Variants in UGT1A7 observed in about 807,000 individuals in gnomAD.
UGT1A7 encodes the protein UDP-glucuronosyltransferase 1A7.
A neutral mutation model predicts 45.6 loss-of-function variants in UGT1A7; 33 were observed. The observed-to-expected ratio is 0.72, with a 90% CI of 0.55 to 0.97. The LOEUF (loss-of-function observed/expected upper bound fraction) is 0.97. Ranked by LOEUF, UGT1A7 falls within the 50% of genes least tolerant of loss-of-function variation. The pLI, the probability that UGT1A7 is intolerant of heterozygous loss-of-function variation, is 0.00. For missense variants in UGT1A7, 684 were observed against 666.2 expected (o/e 1.03, Z -0.29); for synonymous variants, 274 against 250.6 (o/e 1.09, Z -0.88).
chr2:233,714,067 G>A (rs973279509), intron 1 of UGT1A7, among the ~76,000 whole-genome samples: 1 of 152,094 alleles, frequency 6.6e-6, no homozygotes, highest in African/African-American at 2.4e-5. Context: ...AGGAAGGAGA[G>A]GCAGGGACGA....
intron 1 of UGT1A7, chr2:233,693,094 G>A: frequency 6.2e-7 from 1 of 1,614,170 alleles, no homozygotes; most frequent in Non-Finnish European, 8.5e-7. Context: ...ACAAGCTGCT[G>A]GTGGTCCCTC....
chr2:233,734,120 A>G (rs2078485100), intron 1 of UGT1A7, among the ~76,000 whole-genome samples: 1 of 152,036 alleles, frequency 6.6e-6, no homozygotes, highest in Non-Finnish European at 1.5e-5. Context: ...AATAATAATA[A>G]TAAAAAGAAT....
intron 1 of UGT1A7, among the ~76,000 whole-genome samples, chr2:233,738,740 C>T (rs1235036519): frequency 1.3e-5 from 2 of 152,136 alleles, no homozygotes; most frequent in Non-Finnish European, 2.9e-5. Context: ...GCAGCCTGAC[C>T]ATGTGGTAGA....
intron 1 of UGT1A7, chr2:233,690,853 CT>C (rs2075018701): frequency 9.4e-7 from 1 of 1,064,618 alleles, no homozygotes; most frequent in Admixed American, 4.9e-5. Flanking sequence ...TTTCTAATAC[CT>C]TCTTAATTTG....
At chr2:233,704,337 A>G (rs2075781875) in intron 1 of UGT1A7, among the ~76,000 whole-genome samples, 1 of 144,470 alleles carries the variant, frequency 6.9e-6, no homozygotes. Flanking sequence ...CCACTATTTA[A>G]AAAGTTGTGT....
chr2:233,732,424 AG>A (rs1319595536), intron 1 of UGT1A7, among the ~76,000 whole-genome samples: 1 of 152,242 alleles, frequency 6.6e-6, no homozygotes, highest in Non-Finnish European at 1.5e-5. Flanking sequence ...GTTTTCTTCT[AG>A]GATTTTTATG....
chr2:233,689,547 A>G (rs2074949605), intron 1 of UGT1A7, among the ~76,000 whole-genome samples: 3 of 152,252 alleles, frequency 2.0e-5, no homozygotes, highest in Admixed American at 1.3e-4. Flanking sequence ...CTTGCAGGTC[A>G]TAGGTGAATT....
chr2:233,712,555 A>G (rs1157620157), intron 1 of UGT1A7, among the ~76,000 whole-genome samples: 1 of 152,212 alleles, frequency 6.6e-6, no homozygotes, highest in Admixed American at 6.5e-5. Context: ...AAGAGTATTA[A>G]GAGTTAGCAA....
At chr2:233,719,463 C>T (rs778257140) in intron 1 of UGT1A7, 5 of 1,613,980 alleles carry the variant, frequency 3.1e-6, no homozygotes, top group South Asian at 1.1e-5. Context: ...CAAGAACATG[C>T]TCTACCCTCT....
chr2:233,711,162 G>A (rs2076166614), intron 1 of UGT1A7, among the ~76,000 whole-genome samples: 1 of 152,150 alleles, frequency 6.6e-6, no homozygotes, highest in African/African-American at 2.4e-5. Flanking sequence ...CCTATTTCCT[G>A]GGCACCAGGA....
intron 1 of UGT1A7, among the ~76,000 whole-genome samples, 167 bp from the exon 2 acceptor site, chr2:233,766,867 G>A (rs568299850): frequency 5.3e-5 from 8 of 152,308 alleles, no homozygotes; most frequent in African/African-American, 1.7e-4. Flanking sequence ...AAGTAAAGGA[G>A]AGGAAAATGC....
At chr2:233,693,891 T>G (rs1489359019) in intron 1 of UGT1A7, 2 of 1,613,928 alleles carry the variant, frequency 1.2e-6, no homozygotes, top group African/African-American at 2.7e-5. Flanking sequence ...TCTTTTGGAC[T>G]GCCTTGTTTC....
rs760077462 is a variant in UGT1A7, at chr2:233,725,078, TC to T, written c.856-41955del. Among the ~76,000 whole-genome samples, 17 of 144,282 alleles carry T rather than the reference TC, an allele frequency of 1.2e-4. 2 individuals carry two copies. Among genetic ancestry groups the T allele is most frequent in the Non-Finnish European group, 2.4e-4 (16 of 65,662 alleles). The allele number at this position is 144,282 out of a possible 152,430, so 94.7% of individuals were successfully genotyped here. On this transcript the variant is annotated intron_variant, in intron 1 of 4. Coordinates refer to ENST00000373426, the MANE Select transcript of UGT1A7 (RefSeq NM_019077.3). ...GGCGCGCGCCTGCAATCGCAGGCAC[TC>T]GGCAGGCTGAGGCAGGAGAATCAGG...
intron 1 of UGT1A7, among the ~76,000 whole-genome samples, chr2:233,766,201 G>T (rs544565545): frequency 2.4e-4 from 37 of 152,254 alleles, no homozygotes; most frequent in Admixed American, 4.6e-4. Flanking sequence ...CTCAGCAGAT[G>T]GGGGAAGCCA....
At chr2:233,689,776 T>A (rs1159047990) in intron 1 of UGT1A7, 3 of 333,486 alleles carry the variant, frequency 9.0e-6, no homozygotes, top group Non-Finnish European at 1.8e-5. Flanking sequence ...CTCGGGGACA[T>A]ATGTTATGAT....
intron 1 of UGT1A7, among the ~76,000 whole-genome samples, chr2:233,688,805 C>T (rs2074914303): frequency 6.6e-6 from 1 of 152,070 alleles, no homozygotes; most frequent in Admixed American, 6.6e-5. Context: ...TGATTAGCTA[C>T]AAACTGTGAA....
chr2:233,728,938 C>T (rs1263603941), intron 1 of UGT1A7, among the ~76,000 whole-genome samples: 18 of 152,162 alleles, frequency 1.2e-4, no homozygotes, highest in Admixed American at 9.2e-4. Flanking sequence ...CGGTCTTTTC[C>T]AGGGTGGGGC....
At chr2:233,738,244 T>C (rs1690738157) in intron 1 of UGT1A7, among the ~76,000 whole-genome samples, 1 of 152,224 alleles carries the variant, frequency 6.6e-6, no homozygotes, top group Non-Finnish European at 1.5e-5. Context: ...TCCAGCCACA[T>C]GGAACTGGAG....
Position 233,682,111 on chromosome 2 carries a change from C to T in UGT1A7, c.174C>T (p.Val58=), listed in dbSNP as rs1559339332. ...LILRGHEVVV[V]MPEVSWQLGR... ...TCAGGGGGCATGAGGTGGTCGTAGT[C>T]ATGCCAGAGGTGAGTTGGCAACTGG... is the stretch of plus-strand genomic sequence containing the variant. Residue 58 remains valine, a synonymous_variant, in exon 1 of 5, where the codon GTC becomes GTT. Transcript: ENST00000373426. The T allele has an allele frequency of 6.2e-7, 1 of 1,614,196 alleles. No homozygotes were observed. Among genetic ancestry groups the T allele is most frequent in the Non-Finnish European group, 8.5e-7 (1 of 1,180,020 alleles).
Sources: allele counts gnomAD v4.1 joint callset (sites outside exome capture counted in the v4.1 genomes callset), GRCh38; gene constraint gnomAD v4.1.1; transcripts MANE v1.5; gene names NCBI Gene and HGNC (gene_info 2026-07-23, HGNC 2026-07-21).